KLHL3: variants seen among roughly 807,000 people sequenced by gnomAD.
KLHL3 encodes kelch like family member 3, also known as kelch-like protein 3.
A neutral mutation model predicts 70.5 loss-of-function variants in KLHL3; 19 were observed. That is an observed-to-expected ratio of 0.27 (90% confidence interval 0.19 to 0.40). KLHL3 has a LOEUF of 0.40. Among genes scored for constraint, KLHL3 ranks in the 10% least tolerant of loss-of-function variants. The pLI, the probability that KLHL3 is intolerant of heterozygous loss-of-function variation, is 1.00. For missense variants in KLHL3, 512 were observed against 771.1 expected (o/e 0.66, Z 3.98); for synonymous variants, 258 against 290.3 (o/e 0.89, Z 1.13).
rs773816786 is a variant in KLHL3 at position 137,692,341 on chromosome 5, G to C, written c.470C>G (p.Ala157Gly). The change falls in exon 5 of 15, where the codon GCA (alanine) becomes GGA (glycine). Residue 157 changes from alanine (A) to glycine (G), a missense_variant. Coordinates refer to ENST00000309755, the MANE Select transcript of KLHL3 (RefSeq NM_017415.3). ...LHPTNCLGIRAFADVHTCTDL... is the reference protein window; with the variant it reads ...LHPTNCLGIRGFADVHTCTDL... ...AGTGCAGGTGTGTACATCTGCAAAT[G>C]CACGGATGCCCAGGCAATTGGTGGG... The C allele has an allele frequency of 3.1e-6, 5 of 1,613,588 alleles. No individual in the cohort carries two copies. The highest frequency in any genetic ancestry group is 3.4e-6 in the Non-Finnish European group (4 of 1,179,954).
At chr5:137,705,868 G>A in intron 3 of KLHL3, 1 of 309,272 alleles carries the variant, frequency 3.2e-6, no homozygotes, top group Non-Finnish European at 4.7e-6. Flanking sequence ...TGGATGGGGA[G>A]GATGGGGAAT....
intron 14 of KLHL3, among the ~76,000 whole-genome samples, chr5:137,624,793 C>T (rs1180775681): frequency 6.6e-6 from 1 of 152,180 alleles, no homozygotes; most frequent in Non-Finnish European, 1.5e-5. Flanking sequence ...AGGAACTGAA[C>T]TACACCATGG....
intron 1 of KLHL3, among the ~76,000 whole-genome samples, chr5:137,734,068 T>C (rs1290720980): frequency 6.6e-6 from 1 of 152,210 alleles, no homozygotes. Flanking sequence ...AAGGACTCAC[T>C]ATATTTCTGA....
At position 137,670,483 on chromosome 5, in the gene KLHL3, G is replaced by A. The variant is rs556032303; in HGVS notation, c.636+7062C>T. Reference sequence around the variant, plus strand: ...TACTAGATGCAGGAGATATTCTGTAGTAAAGGGGCTCAGGGGCCAAATGAG... The same window carrying A: ...TACTAGATGCAGGAGATATTCTGTAATAAAGGGGCTCAGGGGCCAAATGAG... On this transcript the variant is annotated intron_variant, in intron 6 of 14. Transcript: ENST00000309755. Among the ~76,000 whole-genome samples, 161 of 151,458 alleles carry A rather than the reference G, an allele frequency of 1.1e-3. 1 individual carries two copies. The highest frequency in any genetic ancestry group is 3.8e-3 in the African/African-American group (157 of 41,234).
At position 137,639,621 on chromosome 5, in the gene KLHL3, GAGGC is replaced by G. The variant is rs1750858628; in HGVS notation, c.1021+235_1021+238del. ...AGGTGAGAGAATCACTTGAACCCAG[GAGGC>G]AGACGTTGCAGTGAGCCGAGATCAT... On this transcript the variant is annotated intron_variant, in intron 9 of 14. Transcript: ENST00000309755. This position sits in a 1 kb window ranked among gnomAD's most constrained non-coding sequence, Gnocchi z 5.0. Among the ~76,000 whole-genome samples the G allele has an allele frequency of 6.6e-6, 1 of 151,358 alleles. No homozygotes were observed. Among genetic ancestry groups the G allele is most frequent in the Non-Finnish European group, 1.5e-5 (1 of 67,920 alleles).
At position 137,646,053 on chromosome 5, in the gene KLHL3, C is replaced by T. The variant is rs1015807665; in HGVS notation, c.904-6076G>A. 2.4e-4 allele frequency among the ~76,000 whole-genome samples: 36 copies of T among 151,860 alleles called. 1 individual carries two copies. Among genetic ancestry groups the T allele is most frequent in the African/African-American group, 8.2e-4 (34 of 41,314 alleles). The stretch of plus-strand genomic sequence containing the variant: ...CACACATTTGACAAGGTGTTAATAC[C>T]CAGAATATATAAGGAACTCAAACAA... On this transcript the variant is annotated intron_variant, in intron 8 of 14. Transcript: ENST00000309755.
At chr5:137,720,312 A>AG (rs1752973192) in intron 2 of KLHL3, among the ~76,000 whole-genome samples, 153 bp downstream of exon 2, 1 of 152,068 alleles carries the variant, frequency 6.6e-6, no homozygotes, top group South Asian at 2.1e-4. Context: ...AAAAAAAAAA[A>AG]AGAGAGAAAG....
Position 137,652,053 on chromosome 5 carries a change from A to C in KLHL3, c.903+6078T>G, listed in dbSNP as rs181437755. Among the ~76,000 whole-genome samples, 103 of 152,314 alleles carry C rather than the reference A, an allele frequency of 6.8e-4. No homozygotes were observed. In the East Asian group the frequency reaches 0.019, roughly 27 times the overall value. ...TGCACCATATTAAGAACAACAACAAAAAAAAACTTCTCAAAATGGATCCAT... is the reference window on the plus strand; with the variant it reads ...TGCACCATATTAAGAACAACAACAACAAAAAACTTCTCAAAATGGATCCAT... On this transcript the variant is annotated intron_variant, in intron 8 of 14. Transcript: ENST00000309755.
rs367865348 is a variant in KLHL3, at chr5:137,628,468, A to G, written c.1451-31T>C. On this transcript the variant is annotated intron_variant, in intron 12 of 14. Coordinates refer to ENST00000309755, the MANE Select transcript of KLHL3 (RefSeq NM_017415.3). Reference sequence around the variant, plus strand: ...AGGCAGAGCACAGCATCCCAGCCTCATGCTGACTACAGTAACCAGAAATCA... The same window carrying G: ...AGGCAGAGCACAGCATCCCAGCCTCGTGCTGACTACAGTAACCAGAAATCA... 5.6e-6 allele frequency: 9 copies of G among 1,613,058 alleles called. No homozygotes were observed. In the East Asian group the frequency reaches 1.8e-4, roughly 32 times the overall value.
intron 14 of KLHL3, among the ~76,000 whole-genome samples, chr5:137,624,206 A>C (rs1750394280): frequency 6.6e-6 from 1 of 152,224 alleles, no homozygotes; most frequent in Non-Finnish European, 1.5e-5. Context: ...AGACTTTAAG[A>C]TAATAGACTC....
chr5:137,671,583 T>C (rs1657564678), intron 6 of KLHL3, among the ~76,000 whole-genome samples: 1 of 152,178 alleles, frequency 6.6e-6, no homozygotes, highest in African/African-American at 2.4e-5. Flanking sequence ...TAATGAGCTG[T>C]GTCACCTCTC....
chr5:137,676,871 G>A (rs1421504470), intron 6 of KLHL3, among the ~76,000 whole-genome samples: 1 of 152,160 alleles, frequency 6.6e-6, no homozygotes, highest in Non-Finnish European at 1.5e-5. Flanking sequence ...GGTAGAAGAG[G>A]AATCTGAATT....
chr5:137,653,580 A>G (rs1751263775), intron 8 of KLHL3, among the ~76,000 whole-genome samples: 2 of 152,226 alleles, frequency 1.3e-5, no homozygotes, highest in South Asian at 4.1e-4. Flanking sequence ...TAGAATGGCT[A>G]CAATTTTTAA....
intron 5 of KLHL3, among the ~76,000 whole-genome samples, chr5:137,683,765 TTCTCTCTCTC>T (rs10551182): frequency 2.7e-5 from 4 of 150,074 alleles, no homozygotes; most frequent in Admixed American, 6.6e-5. Flanking sequence ...CTAGCTCTCT[TTCTCTCTCTC>T]TCTCTCTCTC....
chr5:137,653,624 G>A (rs147593151), intron 8 of KLHL3, among the ~76,000 whole-genome samples: 19 of 152,322 alleles, frequency 1.2e-4, no homozygotes, highest in East Asian at 7.7e-4. Flanking sequence ...CAGGACTGCA[G>A]AATAACTGAA....
At chr5:137,634,297 C>T (rs1365859268) in intron 11 of KLHL3, 132 bp from the exon 12 acceptor site, 6 of 935,282 alleles carry the variant, frequency 6.4e-6, no homozygotes, top group Non-Finnish European at 9.3e-6. Flanking sequence ...TCCAGGGGAC[C>T]ACCAACTTAC....
intron 13 of KLHL3, 59 bp downstream of exon 13, chr5:137,628,238 G>A: frequency 1.9e-6 from 3 of 1,591,842 alleles, no homozygotes; most frequent in African/African-American, 1.3e-5. Context: ...TAGAGCCAGT[G>A]TCTTCAGGGA....
At chr5:137,685,146 A>G (rs1484712366) in intron 5 of KLHL3, among the ~76,000 whole-genome samples, 1 of 152,254 alleles carries the variant, frequency 6.6e-6, no homozygotes, top group Non-Finnish European at 1.5e-5. Context: ...AAATCTATCA[A>G]ACAACTTTTT....
intron 3 of KLHL3, among the ~76,000 whole-genome samples, chr5:137,701,808 G>A (rs1752574431): frequency 6.6e-6 from 1 of 152,192 alleles, no homozygotes; most frequent in South Asian, 2.1e-4. Flanking sequence ...GCCCTTCCAT[G>A]TTTGTGGTCA....
Sources: gnomAD v4.1 joint callset for allele counts (sites outside exome capture counted in the v4.1 genomes callset) on GRCh38, gnomAD v4.1.1 for gene constraint, Gnocchi (gnomAD v3.1) non-coding constraint, MANE v1.5 for transcripts, NCBI Gene and HGNC (gene_info 2026-07-23, HGNC 2026-07-21) for gene names.